The following SLC26A7 variants were observed in gnomAD, a reference collection of about 807,000 sequenced individuals.
SLC26A7 encodes the protein solute carrier family 26 member 7.
A neutral mutation model predicts 82.5 loss-of-function variants in SLC26A7; 59 were observed. The ratio of observed to expected loss-of-function variants is 0.72; its 90% CI spans 0.58 to 0.89. SLC26A7 has a LOEUF of 0.89. Ranked by LOEUF, SLC26A7 falls within the 40% of genes least tolerant of loss-of-function variation. The pLI is 0.00. For missense variants in SLC26A7, 820 were observed against 793.0 expected, an observed-to-expected ratio of 1.03 and a Z score of -0.41; for synonymous variants, 271 against 274.3, an observed-to-expected ratio of 0.99 and a Z score of 0.12.
At chr8:91,279,135 A>ATATATATATATATG (rs1563656869) in intron 2 of SLC26A7, among the ~76,000 whole-genome samples, 24 of 86,330 alleles carry the variant, frequency 2.8e-4, no homozygotes, top group African/African-American at 1.1e-3. Context: ...GTATATATAT[A>ATATATATATATATG]TATATATATA....
At chr8:91,257,542 C>T (rs1460884160) in intron 2 of SLC26A7, among the ~76,000 whole-genome samples, 1 of 151,860 alleles carries the variant, frequency 6.6e-6, no homozygotes, top group African/African-American at 2.4e-5. Flanking sequence ...TGCACAAAGG[C>T]AAGACTTGAC....
At chr8:91,241,613 T>A (rs568418673) in intron 2 of SLC26A7, among the ~76,000 whole-genome samples, 48 of 152,260 alleles carry the variant, frequency 3.2e-4, no homozygotes, top group African/African-American at 1.1e-3. Flanking sequence ...ACTTTAAAAG[T>A]TGAGTTTTAA....
At chr8:91,282,213 T>C (rs1292543053) in intron 2 of SLC26A7, among the ~76,000 whole-genome samples, 1 of 152,162 alleles carries the variant, frequency 6.6e-6, no homozygotes, top group Non-Finnish European at 1.5e-5. Context: ...AACAAGAAGC[T>C]GTTCAAGGGA....
At chr8:91,242,083 A>C (rs1810482477) in intron 2 of SLC26A7, among the ~76,000 whole-genome samples, 1 of 152,150 alleles carries the variant, frequency 6.6e-6, no homozygotes. Flanking sequence ...GTAACACAAT[A>C]GTTTTGAATA....
At chr8:91,212,000 C>T (rs1809936105) in intron 1 of SLC26A7, among the ~76,000 whole-genome samples, 1 of 152,064 alleles carries the variant, frequency 6.6e-6, no homozygotes. Context: ...TTTATTCAGT[C>T]TCAAATATCA....
intron 2 of SLC26A7, among the ~76,000 whole-genome samples, chr8:91,288,061 C>A (rs1333586174): frequency 6.6e-6 from 1 of 152,158 alleles, no homozygotes; most frequent in East Asian, 1.9e-4. Flanking sequence ...GCAAAAGTGG[C>A]TTCTACTGCT....
At position 91,301,634 on chromosome 8, in the gene SLC26A7, A is replaced by C. The variant is rs1326205121; in HGVS notation, c.477+5931A>C. On this transcript the variant is annotated intron_variant, in intron 4 of 18. Coordinates refer to ENST00000276609, the MANE Select transcript of SLC26A7 (RefSeq NM_052832.4). ...GATCCAGGCAGCTAGTGGTTTTTCT[A>C]TTTTGTTACTTTTTTAAGAAAACCA... Among the ~76,000 whole-genome samples, 4 of 151,500 alleles carry C rather than the reference A, an allele frequency of 2.6e-5. No individual in the cohort carries two copies. In the South Asian group the frequency reaches 8.3e-4, roughly 32 times the overall value.
Position 91,395,195 on chromosome 8 carries a change from G to T in SLC26A7, c.*98G>T. 6.3e-7 allele frequency: 1 copy of T among 1,583,444 alleles called. No individual in the cohort carries two copies. Among genetic ancestry groups the T allele is most frequent in the Non-Finnish European group, 8.6e-7 (1 of 1,166,164 alleles). On this transcript the variant is annotated 3_prime_UTR_variant, in exon 19 of 19. Transcript: ENST00000276609. ...ACTTTTTGGTTGTTTAGATCCTACA[G>T]ATGACCTCTGCTACAATAAGTACGA...
At position 91,351,812 on chromosome 8, in the gene SLC26A7, G is replaced by T. The variant is rs1402017216; in HGVS notation, c.1143G>T (p.Val381=). 4 of 1,607,594 alleles carry T rather than the reference G, an allele frequency of 2.5e-6. No individual in the cohort carries two copies. The highest frequency in any genetic ancestry group is 1.6e-4 in the Middle Eastern group (1 of 6,072). ...TTTGTCTGTCTTGTATTTTACAGGT[G>T]GCTTGTCTAATATCTTGCATTTTCG... is the stretch of plus-strand genomic sequence containing the variant. ...GLYSTGAKTQ[V]ACLISCIFVL... The change falls in exon 10 of 19, where the codon GTG becomes GTT. Residue 381 remains valine, a splice_region_variant and synonymous_variant. Coordinates refer to ENST00000276609, the MANE Select transcript of SLC26A7 (RefSeq NM_052832.4).
chr8:91,264,167 A>T (rs767723783), intron 2 of SLC26A7, among the ~76,000 whole-genome samples: 2 of 152,122 alleles, frequency 1.3e-5, no homozygotes, highest in Non-Finnish European at 2.9e-5. Flanking sequence ...GTAAAATAAC[A>T]TATAGGAATC....
chr8:91,318,330 C>T lies in SLC26A7; in HGVS notation c.592C>T (p.Leu198Phe), dbSNP rs758544779. The T allele has an allele frequency of 1.9e-5, 30 of 1,612,158 alleles. No homozygotes were observed. The highest frequency in any genetic ancestry group is 1.2e-4 in the Admixed American group (7 of 59,722). The change falls in exon 5 of 19, where the codon CTC becomes TTC. Residue 198 changes from leucine (L) to phenylalanine (F), a missense_variant. Transcript: ENST00000276609. ...TGTGGTGACTTCACAAGTCAAATAT[C>T]TCTTGGGAATGAAAATGCCATATAT... ...THVVTSQVKY[L>F]LGMKMPYISG...
chr8:91,245,300 G>C (rs1810530000), upstream of SLC26A7, among the ~76,000 whole-genome samples: 1 of 152,136 alleles, frequency 6.6e-6, no homozygotes, highest in African/African-American at 2.4e-5. Context: ...ATTGGAATCG[G>C]TTATTTTTCT....
chr8:91,314,317 T>C (rs1464544776), intron 4 of SLC26A7, among the ~76,000 whole-genome samples: 2 of 152,214 alleles, frequency 1.3e-5, no homozygotes, highest in Non-Finnish European at 1.5e-5. Context: ...TTTCACCTAC[T>C]TCAGTTTGAA....
At chr8:91,283,355 C>T (rs1811625333) in intron 2 of SLC26A7, among the ~76,000 whole-genome samples, 1 of 152,078 alleles carries the variant, frequency 6.6e-6, no homozygotes, top group Non-Finnish European at 1.5e-5. Flanking sequence ...CTTCATGTTT[C>T]CTGAGGTAGC....
intron 4 of SLC26A7, among the ~76,000 whole-genome samples, chr8:91,297,374 A>G (rs1335618932): frequency 1.3e-5 from 2 of 152,008 alleles, no homozygotes; most frequent in Non-Finnish European, 2.9e-5. Context: ...ACTTAAAATG[A>G]TAACATATAA....
At chr8:91,329,857 T>G (rs559583665) in intron 5 of SLC26A7, among the ~76,000 whole-genome samples, 23 of 152,250 alleles carry the variant, frequency 1.5e-4, no homozygotes, top group African/African-American at 4.8e-4. Flanking sequence ...TATTTCTCAC[T>G]GAGTAGCATT....
intron 15 of SLC26A7, among the ~76,000 whole-genome samples, chr8:91,382,651 A>T (rs1814698383): frequency 6.6e-6 from 1 of 152,182 alleles, no homozygotes; most frequent in African/African-American, 2.4e-5. Flanking sequence ...AAACAGAGAA[A>T]TTACCACATG....
chr8:91,221,043 A>T (rs1810153130), intron 2 of SLC26A7, among the ~76,000 whole-genome samples: 3 of 152,154 alleles, frequency 2.0e-5, no homozygotes, highest in African/African-American at 7.2e-5. Flanking sequence ...TTGTTCCCTG[A>T]CTTTTTAATA....
rs1808611904 is a variant in SLC26A7 at position 91,397,697 on chromosome 8, A to G, written c.*2600A>G. ...TCAAGTGTTATAAGTTTTAGCTTGA[A>G]CTACTTTGCAGTAATTTATTTGACA... On this transcript the variant is annotated 3_prime_UTR_variant, in exon 19 of 19. Transcript: ENST00000276609. 6.6e-6 allele frequency: 1 copy of G among 152,538 alleles called. No homozygotes were observed. Among genetic ancestry groups the G allele is most frequent in the Non-Finnish European group, 1.5e-5 (1 of 67,950 alleles). 9.4% of individuals were successfully genotyped at this position (152,538 alleles called of 1,614,324 possible). A position where few individuals can be genotyped will look rare whatever the true frequency, so the allele number is the denominator to read the frequency against.
Sources: allele counts gnomAD v4.1 joint callset (sites outside exome capture counted in the v4.1 genomes callset), GRCh38; gene constraint gnomAD v4.1.1; transcripts MANE v1.5; gene names NCBI Gene and HGNC (gene_info 2026-07-23, HGNC 2026-07-21).